CDH12: variants seen among roughly 807,000 people sequenced by gnomAD.
The protein encoded by CDH12 is cadherin 12.
A neutral mutation model predicts 74.1 loss-of-function variants in CDH12; 41 were observed. The observed-to-expected ratio is 0.55, with a 90% CI of 0.43 to 0.72. The LOEUF (loss-of-function observed/expected upper bound fraction) is 0.72. Among genes scored for constraint, CDH12 ranks in the 30% least tolerant of loss-of-function variants. CDH12 has a pLI of 0.00. For missense variants in CDH12, 945 were observed against 977.2 expected (o/e 0.97, Z 0.44); for synonymous variants, 399 against 355.0 (o/e 1.12, Z -1.39).
chr5:22,769,706 C>T (rs115638731), intron 1 of CDH12, among the ~76,000 whole-genome samples: 2,298 of 152,078 alleles, frequency 0.015, 25 homozygotes, highest in Non-Finnish European at 0.024. Flanking sequence ...CTTCTTACAC[C>T]CATCCCTGCA....
At position 22,366,988 on chromosome 5, in the gene CDH12, T is replaced by C. The variant is rs145821790; in HGVS notation, c.-333+38269A>G. ...GTCCATTATATAAGATTGTGGTTTT[T>C]AAAAAATTATTTTCTTTTATTCATG... On this transcript the variant is annotated intron_variant, in intron 3 of 14. Coordinates refer to ENST00000382254, the MANE Select transcript of CDH12 (RefSeq NM_004061.5). 8.7e-3 allele frequency among the ~76,000 whole-genome samples: 1,329 copies of C among 152,350 alleles called. 11 individuals carry two copies. The highest frequency in any genetic ancestry group is 0.012 in the Non-Finnish European group (806 of 68,016).
At chr5:22,108,295 T>TG (rs1744605477) in intron 4 of CDH12, among the ~76,000 whole-genome samples, 1 of 152,240 alleles carries the variant, frequency 6.6e-6, no homozygotes, top group Non-Finnish European at 1.5e-5. Flanking sequence ...CTGCCACGAC[T>TG]GTGAGGACTC....
chr5:22,145,969 C>G (rs1006158643), intron 4 of CDH12, among the ~76,000 whole-genome samples: 2 of 151,984 alleles, frequency 1.3e-5, no homozygotes, highest in African/African-American at 2.4e-5. Context: ...TTCCATCATA[C>G]AAAGCAATGC....
At position 22,439,980 on chromosome 5, in the gene CDH12, CA is replaced by C. The variant is rs1744560107; in HGVS notation, c.-427-34630del. On this transcript the variant is annotated intron_variant, in intron 2 of 14. Coordinates refer to ENST00000382254, the MANE Select transcript of CDH12 (RefSeq NM_004061.5). ...ACAATTTTCAACATTGAGACATCAT[CA>C]AAACAATAATTTTTACTATCCTCAT... 2.6e-5 allele frequency among the ~76,000 whole-genome samples: 4 copies of C among 152,022 alleles called. No individual in the cohort carries two copies. In the South Asian group the frequency reaches 8.3e-4, roughly 32 times the overall value.
At chr5:22,165,521 C>T (rs1334154430) in intron 4 of CDH12, among the ~76,000 whole-genome samples, 1 of 152,026 alleles carries the variant, frequency 6.6e-6, no homozygotes, top group Non-Finnish European at 1.5e-5. Flanking sequence ...CATACACACA[C>T]ACACACACAC....
chr5:21,812,054 T>C (rs1747774510), intron 9 of CDH12, among the ~76,000 whole-genome samples: 1 of 151,974 alleles, frequency 6.6e-6, no homozygotes, highest in Non-Finnish European at 1.5e-5. Context: ...GAGAAAATAG[T>C]GAAAGAAAAG....
At chr5:22,746,162 A>G (rs544903464) in intron 1 of CDH12, among the ~76,000 whole-genome samples, 2 of 152,296 alleles carry the variant, frequency 1.3e-5, no homozygotes, top group Admixed American at 1.3e-4. Flanking sequence ...GACAATTGGT[A>G]TATATAGAAG....
At chr5:22,728,043 T>A (rs780510079) in intron 1 of CDH12, among the ~76,000 whole-genome samples, 3 of 151,870 alleles carry the variant, frequency 2.0e-5, no homozygotes, top group Non-Finnish European at 2.9e-5. Context: ...TGTTATCTTA[T>A]TATAATGTGA....
At chr5:22,125,252 C>A (rs566615765) in intron 4 of CDH12, among the ~76,000 whole-genome samples, 70 of 151,982 alleles carry the variant, frequency 4.6e-4, no homozygotes, top group African/African-American at 1.6e-3. Flanking sequence ...TAATGCTCTC[C>A]CTCCCCTTGT....
intron 6 of CDH12, among the ~76,000 whole-genome samples, chr5:21,865,196 G>T (rs1254065053): frequency 6.6e-6 from 1 of 152,138 alleles, no homozygotes; most frequent in Non-Finnish European, 1.5e-5. Flanking sequence ...GTGCTGCATG[G>T]CTTCTTTAAG....
intron 1 of CDH12, among the ~76,000 whole-genome samples, chr5:22,662,595 C>T (rs1314398502): frequency 2.0e-5 from 3 of 152,210 alleles, no homozygotes; most frequent in African/African-American, 7.2e-5. Context: ...CACTTATCTA[C>T]ATTAACACTT....
intron 1 of CDH12, among the ~76,000 whole-genome samples, chr5:22,661,903 A>G (rs1357626345): frequency 6.6e-6 from 1 of 152,184 alleles, no homozygotes; most frequent in Non-Finnish European, 1.5e-5. Flanking sequence ...ATAAGAAATA[A>G]GCATTTTTAA....
chr5:22,675,653 C>T (rs1206254969), intron 1 of CDH12, among the ~76,000 whole-genome samples: 1 of 151,728 alleles, frequency 6.6e-6, no homozygotes, highest in African/African-American at 2.4e-5. Context: ...GGGAGTTTCC[C>T]TGCACAAGCT....
chr5:22,228,153 C>A (rs1337435388), intron 3 of CDH12, among the ~76,000 whole-genome samples: 1 of 151,944 alleles, frequency 6.6e-6, no homozygotes, highest in African/African-American at 2.4e-5. Flanking sequence ...GTAAGGCATT[C>A]AAGATCGTAC....
intron 4 of CDH12, among the ~76,000 whole-genome samples, chr5:22,088,386 C>T (rs976195918): frequency 1.3e-5 from 2 of 152,046 alleles, no homozygotes; most frequent in Non-Finnish European, 2.9e-5. Context: ...TCAGACCCAC[C>T]AAGTCAAGCA....
chr5:22,430,498 A>C (rs1268077013), intron 2 of CDH12, among the ~76,000 whole-genome samples: 1 of 152,146 alleles, frequency 6.6e-6, no homozygotes, highest in Non-Finnish European at 1.5e-5. Context: ...ACAAGGAAAA[A>C]ATTTTAAACT....
chr5:22,665,999 G>A (rs1203182867), intron 1 of CDH12, among the ~76,000 whole-genome samples: 1 of 151,982 alleles, frequency 6.6e-6, no homozygotes, highest in East Asian at 1.9e-4. Context: ...GACGCTTTCT[G>A]CCTCATATAT....
chr5:21,853,725 T>C (rs1381861692), intron 7 of CDH12, among the ~76,000 whole-genome samples: 1 of 151,718 alleles, frequency 6.6e-6, no homozygotes, highest in Non-Finnish European at 1.5e-5. Context: ...ATGTATAGTG[T>C]CTGAAACGTA....
intron 4 of CDH12, among the ~76,000 whole-genome samples, chr5:22,206,311 C>G (rs116316978): frequency 7.9e-5 from 12 of 152,142 alleles, no homozygotes; most frequent in Non-Finnish European, 5.9e-5. Context: ...AGATAACTTG[C>G]GTGCCTGTTC....
Sources: allele counts gnomAD v4.1 joint callset (sites outside exome capture counted in the v4.1 genomes callset), GRCh38; gene constraint gnomAD v4.1.1; transcripts MANE v1.5; gene names NCBI Gene and HGNC (gene_info 2026-07-23, HGNC 2026-07-21).